Variants in HS6ST2 observed in about 807,000 individuals in gnomAD.
HS6ST2 encodes the protein heparan sulfate 6-O-sulfotransferase 2.
Under a neutral mutation model 33.0 loss-of-function variants are expected in HS6ST2, and 17 were observed. The ratio of observed to expected loss-of-function variants is 0.52; its 90% CI spans 0.35 to 0.77. HS6ST2 has a LOEUF of 0.77. Ranked by LOEUF, HS6ST2 falls within the 30% of genes least tolerant of loss-of-function variation. HS6ST2 has a pLI of 0.01. For missense variants in HS6ST2, 519 were observed against 551.7 expected, an observed-to-expected ratio of 0.94 and a Z score of 0.59; for synonymous variants, 248 against 237.1, an observed-to-expected ratio of 1.05 and a Z score of -0.42.
chrX:132,821,106 C>T (rs1029141686), intron 2 of HS6ST2, among the ~76,000 whole-genome samples: 1 of 110,640 alleles, frequency 9.0e-6, no homozygotes, highest in Middle Eastern at 4.3e-3. Flanking sequence ...GATAACATTC[C>T]TTTTAAATAA....
At chrX:132,956,484 C>T (rs1473042855) in intron 2 of HS6ST2, among the ~76,000 whole-genome samples, 4 of 111,892 alleles carry the variant, frequency 3.6e-5, no homozygotes, top group Non-Finnish European at 7.5e-5. Flanking sequence ...CTTTAGGGCT[C>T]TCCAGTGCGG....
chrX:132,635,416 C>T (rs1453455303), intron 4 of HS6ST2, among the ~76,000 whole-genome samples: 1 of 111,572 alleles, frequency 9.0e-6, no homozygotes, highest in African/African-American at 3.3e-5. Flanking sequence ...ACATACCTGA[C>T]CTGTCATTCC....
chrX:132,640,375 G>C (rs762910248), intron 4 of HS6ST2, among the ~76,000 whole-genome samples: 1 of 111,100 alleles, frequency 9.0e-6, no homozygotes, highest in African/African-American at 3.3e-5. Flanking sequence ...GACTAGGTGC[G>C]TGTATGGTGG....
In HS6ST2 at chrX:132,787,155, G is replaced by GTA. The variant is rs1183583262; in HGVS notation, c.948-78663_948-78662dup. On this transcript the variant is annotated intron_variant, in intron 2 of 4. Transcript: ENST00000370833. ...ACTATATACTCCAAAGTGTGTGTGT[G>GTA]TATATATATATGTATATATATATAT... 2.8e-4 allele frequency among the ~76,000 whole-genome samples: 16 copies of GTA among 57,427 alleles called. No individual in the cohort carries two copies. The South Asian group carries it at 3.3e-3, about 12-fold the overall frequency. 49.9% of individuals were successfully genotyped at this position (57,427 alleles called of 115,157 possible).
intron 2 of HS6ST2, among the ~76,000 whole-genome samples, chrX:132,956,254 T>G (rs1602933533): frequency 4.2e-5 from 4 of 95,726 alleles, no homozygotes; most frequent in African/African-American, 4.0e-5. Context: ...GAGAGGGGAA[T>G]GGAAAGAAGG....
intron 2 of HS6ST2, among the ~76,000 whole-genome samples, chrX:132,819,324 C>T (rs753470282): frequency 2.2e-4 from 25 of 111,394 alleles, no homozygotes; most frequent in Non-Finnish European, 4.3e-4. Flanking sequence ...AAGTTATAAA[C>T]CATGCTGAAT....
intron 2 of HS6ST2, 46 bp downstream of exon 2, chrX:132,956,762 C>G: frequency 8.9e-7 from 1 of 1,120,229 alleles, no homozygotes; most frequent in Admixed American, 2.8e-5. Flanking sequence ...CCCAGCCCTC[C>G]GCCCGCCTAG....
rs755656073 is a variant in HS6ST2 at position 132,958,605 on chromosome X, C to A, written c.-3G>T. 5 of 1,163,908 alleles carry A rather than the reference C, an allele frequency of 4.3e-6. No homozygotes were observed. The East Asian group carries it at 1.6e-4, about 37-fold the overall frequency. On this transcript the variant is annotated 5_prime_UTR_variant, in exon 1 of 5. Coordinates refer to ENST00000370833, the MANE Select transcript of HS6ST2 (RefSeq NM_001394073.1). Reference sequence around the variant, plus strand: ...ACTGCACACGCAGGCAGTGCCATTCCCCCCTTCAGGCAACTCAGGGTACTA... The same window carrying A: ...ACTGCACACGCAGGCAGTGCCATTCACCCCTTCAGGCAACTCAGGGTACTA...
chrX:132,669,632 A>C (rs2063845662), intron 3 of HS6ST2: 1 of 113,707 alleles, frequency 8.8e-6, no homozygotes, highest in African/African-American at 3.2e-5. Context: ...GTGGATGCCA[A>C]ATGACTTCTA....
At chrX:132,702,188 G>A (rs764436501) in intron 3 of HS6ST2, among the ~76,000 whole-genome samples, 3 of 112,161 alleles carry the variant, frequency 2.7e-5, no homozygotes, top group Admixed American at 9.5e-5. Context: ...TACTACTTTC[G>A]AACTAAAGAG....
intron 2 of HS6ST2, among the ~76,000 whole-genome samples, chrX:132,797,957 G>A (rs905663631): frequency 2.9e-5 from 3 of 103,455 alleles, no homozygotes; most frequent in Non-Finnish European, 5.9e-5. Context: ...AGGTTGCAGT[G>A]AGCCCAGATC....
intron 3 of HS6ST2, among the ~76,000 whole-genome samples, chrX:132,700,811 C>T (rs1003962138): frequency 4.5e-5 from 5 of 110,444 alleles, no homozygotes; most frequent in Non-Finnish European, 9.5e-5. Flanking sequence ...AGTCTATAGC[C>T]GCAATCCTCT....
chrX:132,793,453 C>A (rs968799970), intron 2 of HS6ST2, among the ~76,000 whole-genome samples: 1 of 111,182 alleles, frequency 9.0e-6, no homozygotes, highest in African/African-American at 3.3e-5. Context: ...AGAAACAGTA[C>A]TGAAAGAGAG....
intron 3 of HS6ST2, among the ~76,000 whole-genome samples, chrX:132,678,410 C>G (rs911762473): frequency 8.9e-6 from 1 of 112,032 alleles, no homozygotes; most frequent in Non-Finnish European, 1.9e-5. Context: ...GCCATGCCAA[C>G]AAGATATTGA....
intron 4 of HS6ST2, among the ~76,000 whole-genome samples, chrX:132,663,986 C>A (rs766647890): frequency 7.1e-5 from 8 of 112,500 alleles, no homozygotes; most frequent in Non-Finnish European, 1.5e-4. Context: ...ACAGAGCAAG[C>A]AAGACTTCAT....
At chrX:132,787,177 A>ATGTGTG (rs1319581358) in intron 2 of HS6ST2, among the ~76,000 whole-genome samples, 4 of 82,434 alleles carry the variant, frequency 4.9e-5, no homozygotes, top group African/African-American at 2.1e-4. Flanking sequence ...GTATATATAT[A>ATGTGTG]TATATATATA....
chrX:132,860,205 G>A (rs999088984), intron 2 of HS6ST2, among the ~76,000 whole-genome samples: 1 of 112,176 alleles, frequency 8.9e-6, no homozygotes. Flanking sequence ...GCTGTCCCTA[G>A]TAATGGGCAT....
chrX:132,813,722 C>A (rs932455256), intron 2 of HS6ST2, among the ~76,000 whole-genome samples: 9 of 104,356 alleles, frequency 8.6e-5, no homozygotes, highest in Admixed American at 3.1e-4. Context: ...TATGTGTCCC[C>A]TCCTCTCCAT....
intron 2 of HS6ST2, among the ~76,000 whole-genome samples, chrX:132,935,261 G>C (rs1319912115): frequency 8.1e-3 from 1 of 123 alleles, no homozygotes; most frequent in Non-Finnish European, 0.014. Flanking sequence ...CCAAGTTTTA[G>C]CAACATCTAT....
Sources: allele counts gnomAD v4.1 joint callset (sites outside exome capture counted in the v4.1 genomes callset), GRCh38; gene constraint gnomAD v4.1.1; transcripts MANE v1.5; gene names NCBI Gene and HGNC (gene_info 2026-07-23, HGNC 2026-07-21).